SMURF2: variants seen among roughly 807,000 people sequenced by gnomAD.
SMURF2 encodes SMAD specific E3 ubiquitin protein ligase 2, also known as E3 ubiquitin-protein ligase SMURF2.
SMURF2 carries 48 observed loss-of-function variants against 109.6 expected under a neutral mutation model. The observed-to-expected ratio is 0.44, with a 90% CI of 0.35 to 0.56. SMURF2 has a LOEUF of 0.56. Among genes scored for constraint, SMURF2 ranks in the 20% least tolerant of loss-of-function variants. The pLI is 0.01. For synonymous variants in SMURF2, 288 were observed against 317.1 expected (o/e 0.91, Z 0.97); for missense variants, 575 against 909.0 (o/e 0.63, Z 4.72).
At chr17:64,616,978 G>A (rs958852078) in intron 1 of SMURF2, among the ~76,000 whole-genome samples, 3 of 148,878 alleles carry the variant, frequency 2.0e-5, no homozygotes, top group Admixed American at 1.4e-4. Flanking sequence ...CTACTCAGGA[G>A]GCTAAGGTGG....
At chr17:64,631,977 G>A (rs546223221) in intron 1 of SMURF2, among the ~76,000 whole-genome samples, 5 of 119,914 alleles carry the variant, frequency 4.2e-5, no homozygotes, top group African/African-American at 1.9e-4. Context: ...GGGGGGGGGG[G>A]GGGTGGACAG....
intron 10 of SMURF2, among the ~76,000 whole-genome samples, chr17:64,569,155 C>T (rs1215498579): frequency 6.6e-6 from 1 of 151,828 alleles, no homozygotes; most frequent in African/African-American, 2.4e-5. Flanking sequence ...CAAAAATTAG[C>T]TCGGCGTGGT....
In SMURF2 at chr17:64,617,065, TAAAAAAAAAAAAA is replaced by T. The variant is rs35408397; in HGVS notation, c.53-10438_53-10426del. ...CTGGGCAACAGAATGAGACCTTGTCTAAAAAAAAAAAAAAAAAAAAAAAAAAAAAATCTTAGTC... is the reference window on the plus strand; with the variant it reads ...CTGGGCAACAGAATGAGACCTTGTCTAAAAAAAAAAAAAAAAATCTTAGTC... On this transcript the variant is annotated intron_variant, in intron 1 of 18. Coordinates refer to ENST00000262435, the MANE Select transcript of SMURF2 (RefSeq NM_022739.4). 5.4e-4 allele frequency among the ~76,000 whole-genome samples: 26 copies of T among 48,496 alleles called. No homozygotes were observed. The East Asian group carries it at 7.0e-3, about 13-fold the overall frequency. 31.8% of individuals were successfully genotyped at this position (48,496 alleles called of 152,430 possible). A position where few individuals can be genotyped will look rare whatever the true frequency, so the allele number is the denominator to read the frequency against.
At chr17:64,627,984 C>T (rs541933053) in intron 1 of SMURF2, among the ~76,000 whole-genome samples, 1 of 152,314 alleles carries the variant, frequency 6.6e-6, no homozygotes, top group African/African-American at 2.4e-5. Flanking sequence ...TGGTCTCCAA[C>T]AGTCTTTGTA....
At position 64,661,989 on chromosome 17, in the gene SMURF2, G is replaced by T. The variant is rs1002187217; in HGVS notation, c.-109C>A. ...CTGGGGCCCGAGCAGCCGGCGCCTC[G>T]GCCGCCACGGCCGGAGGGTCCCGGA... On this transcript the variant is annotated 5_prime_UTR_variant, in exon 1 of 19. Transcript: ENST00000262435. 2 of 1,108,252 alleles carry T rather than the reference G, an allele frequency of 1.8e-6. No individual in the cohort carries two copies. 68.7% of individuals were successfully genotyped at this position (1,108,252 alleles called of 1,614,324 possible). A position where few individuals can be genotyped will look rare whatever the true frequency, so the allele number is the denominator to read the frequency against.
In SMURF2 at chr17:64,580,817, A is replaced by G; in HGVS notation, c.744T>C (p.His248=). Reference sequence around the variant, plus strand: ...AGCCTTCTGGTAGGTCTGGAGGAGTATGTAAATGTGTTCTGCTCATGTAAT... The same window carrying G: ...AGCCTTCTGGTAGGTCTGGAGGAGTGTGTAAATGTGTTCTGCTCATGTAAT... ...HRNYMSRTHL[H]TPPDLPEGYE... The change falls in exon 8 of 19, where the codon CAT becomes CAC. Residue 248 remains histidine, a synonymous_variant. Coordinates refer to ENST00000262435, the MANE Select transcript of SMURF2 (RefSeq NM_022739.4). 1 of 1,614,144 alleles carries G rather than the reference A, an allele frequency of 6.2e-7. No individual in the cohort carries two copies. The highest frequency in any genetic ancestry group is 2.2e-5 in the East Asian group (1 of 44,888).
At chr17:64,648,946 T>G (rs781788179) in intron 1 of SMURF2, among the ~76,000 whole-genome samples, 1 of 152,220 alleles carries the variant, frequency 6.6e-6, no homozygotes, top group Non-Finnish European at 1.5e-5. Context: ...TCTATCAACC[T>G]TATTTATGGT....
chr17:64,551,132 G>C (rs1969039387), intron 16 of SMURF2, among the ~76,000 whole-genome samples: 1 of 152,162 alleles, frequency 6.6e-6, no homozygotes. Flanking sequence ...GGCCAAGGCA[G>C]GCGGATCACT....
At chr17:64,573,141 GA>G (rs2144623686) in intron 9 of SMURF2, 3 of 48,570 alleles carry the variant, frequency 6.2e-5, no homozygotes, top group South Asian at 9.2e-4. Flanking sequence ...GGAGGAGGAG[GA>G]GGAGGAGGAG....
chr17:64,586,585 C>A (rs1272308929), intron 5 of SMURF2, among the ~76,000 whole-genome samples: 1 of 149,606 alleles, frequency 6.7e-6, no homozygotes, highest in Non-Finnish European at 1.5e-5. Flanking sequence ...CCCGTCTCTA[C>A]TAAAAATACA....
chr17:64,587,606 AC>A (rs1969681646), intron 5 of SMURF2, among the ~76,000 whole-genome samples: 1 of 152,108 alleles, frequency 6.6e-6, no homozygotes, highest in South Asian at 2.1e-4. Flanking sequence ...ACATCTAAGG[AC>A]CCTTCATTCA....
intron 1 of SMURF2, among the ~76,000 whole-genome samples, chr17:64,617,406 TTC>T (rs1157256807): frequency 1.3e-5 from 2 of 152,122 alleles, no homozygotes; most frequent in African/African-American, 4.8e-5. Context: ...AAGATACAGG[TTC>T]TGAGGTAATT....
chr17:64,551,768 TA>T, intron 15 of SMURF2, 64 bp from the exon 16 acceptor site: 2 of 1,592,726 alleles, frequency 1.3e-6, no homozygotes, highest in Non-Finnish European at 1.7e-6. Flanking sequence ...ATTATTATTA[TA>T]AATCTCTACT....
chr17:64,617,110 A>G (rs1970136986), intron 1 of SMURF2, among the ~76,000 whole-genome samples: 1 of 151,176 alleles, frequency 6.6e-6, no homozygotes, highest in Non-Finnish European at 1.5e-5. Context: ...AGTCCAGTTA[A>G]AGCAATTATT....
intron 9 of SMURF2, among the ~76,000 whole-genome samples, chr17:64,575,588 C>T (rs1969479079): frequency 6.6e-6 from 1 of 152,060 alleles, no homozygotes; most frequent in African/African-American, 2.4e-5. Flanking sequence ...CAAAGTAAGA[C>T]ATTTTCATAA....
Position 64,562,838 on chromosome 17 carries a change from T to C in SMURF2, c.1145A>G (p.Glu382Gly), listed in dbSNP as rs782683482. 5 of 1,614,196 alleles carry C rather than the reference T, an allele frequency of 3.1e-6. No homozygotes were observed. In the Admixed American group the frequency reaches 8.3e-5, roughly 27 times the overall value. Residue 382 changes from glutamate to glycine, a missense_variant, in exon 11 of 19, where the codon GAA (glutamate) becomes GGA (glycine). Around this residue, in one of 5 missense-constraint regions of SMURF2, gnomAD observed 361 missense variants for 612.1 expected, o/e 0.59. Coordinates refer to ENST00000262435, the MANE Select transcript of SMURF2 (RefSeq NM_022739.4). ...TGCCTGAGGCTGTTGTTGGGAAAGTTCTTGCCGCAAAATTTTTAGTTTCTG... is the reference window on the plus strand; with the variant it reads ...TGCCTGAGGCTGTTGTTGGGAAAGTCCTTGCCGCAAAATTTTTAGTTTCTG... ...LVQKLKILRQ[E>G]LSQQQPQAGH...
chr17:64,579,919 A>G (rs1203943484), intron 8 of SMURF2, among the ~76,000 whole-genome samples: 2 of 152,242 alleles, frequency 1.3e-5, no homozygotes, highest in African/African-American at 4.8e-5. Context: ...TAGCACAGTT[A>G]ATGGACAAGT....
At chr17:64,605,936 T>TC (rs1969964957) in intron 2 of SMURF2, among the ~76,000 whole-genome samples, 2 of 150,724 alleles carry the variant, frequency 1.3e-5, no homozygotes, top group African/African-American at 2.4e-5. Context: ...TTTTTTTTTT[T>TC]CACTAAAAAT....
chr17:64,576,625 C>T (rs1312903352), intron 9 of SMURF2, among the ~76,000 whole-genome samples: 1 of 151,156 alleles, frequency 6.6e-6, no homozygotes. Context: ...CATTGCACCA[C>T]TGCACTCCCG....
Sources: allele counts gnomAD v4.1 joint callset (sites outside exome capture counted in the v4.1 genomes callset), GRCh38; gene constraint gnomAD v4.1.1; regional missense constraint gnomAD v4.1.1; transcripts MANE v1.5; gene names NCBI Gene and HGNC (gene_info 2026-07-23, HGNC 2026-07-21).